RBFOX1: variants seen among roughly 807,000 people sequenced by gnomAD.
The protein encoded by RBFOX1 is RNA binding fox-1 homolog 1.
In RBFOX1, 8 loss-of-function variants were observed where a neutral mutation model predicts 57.7. The observed-to-expected ratio is 0.14, with a 90% CI of 0.08 to 0.25. The LOEUF is 0.25. Among genes scored for constraint, RBFOX1 ranks in the 10% least tolerant of loss-of-function variants. RBFOX1 has a pLI of 1.00. For synonymous variants in RBFOX1, 326 were observed against 222.4 expected, an observed-to-expected ratio of 1.47 and a Z score of -4.15; for missense variants, 611 against 548.5, an observed-to-expected ratio of 1.11 and a Z score of -1.14.
chr16:6,984,361 C>G (rs1030828254), intron 3 of RBFOX1, among the ~76,000 whole-genome samples: 1 of 152,238 alleles, frequency 6.6e-6, no homozygotes, highest in East Asian at 1.9e-4. Context: ...CTGGGATATG[C>G]ATGAAAAAGC....
intron 3 of RBFOX1, among the ~76,000 whole-genome samples, chr16:5,861,332 G>C (rs2057208585): frequency 6.6e-6 from 1 of 152,180 alleles, no homozygotes; most frequent in Non-Finnish European, 1.5e-5. Flanking sequence ...AATTGAATGT[G>C]AGCTGGAATG....
At chr16:6,898,864 C>G (rs1488593918) in intron 3 of RBFOX1, among the ~76,000 whole-genome samples, 1 of 146,226 alleles carries the variant, frequency 6.8e-6, no homozygotes, top group Non-Finnish European at 1.5e-5. Flanking sequence ...TAATATATTA[C>G]ACACATGTAC....
intron 1 of RBFOX1, among the ~76,000 whole-genome samples, chr16:5,461,626 G>A (rs1271004964): frequency 6.6e-6 from 1 of 152,170 alleles, no homozygotes; most frequent in African/African-American, 2.4e-5. Context: ...GCCTTTAAGT[G>A]GATTCAAGCC....
intron 4 of RBFOX1, among the ~76,000 whole-genome samples, chr16:5,971,868 G>A (rs1015698309): frequency 2.0e-5 from 3 of 152,188 alleles, no homozygotes; most frequent in East Asian, 1.9e-4. Context: ...TATGTCAGTA[G>A]ACTGAGTAAA....
intron 3 of RBFOX1, among the ~76,000 whole-genome samples, chr16:6,881,985 G>T (rs538552965): frequency 6.6e-6 from 1 of 152,238 alleles, no homozygotes; most frequent in Non-Finnish European, 1.5e-5. Context: ...AGACATAAAG[G>T]AGAAATTTTT....
intron 2 of RBFOX1, among the ~76,000 whole-genome samples, chr16:6,426,917 C>T (rs986552908): frequency 5.3e-5 from 8 of 152,084 alleles, no homozygotes; most frequent in Non-Finnish European, 8.8e-5. Context: ...GGAGTCCTTT[C>T]GTTAATGTCC....
intron 2 of RBFOX1, among the ~76,000 whole-genome samples, chr16:5,583,257 A>T (rs1374404926): frequency 6.6e-6 from 1 of 152,164 alleles, no homozygotes; most frequent in Non-Finnish European, 1.5e-5. Context: ...CCTTAGAAGG[A>T]CTCCATACTT....
intron 3 of RBFOX1, among the ~76,000 whole-genome samples, chr16:6,872,522 T>C (rs1241707452): frequency 5.3e-5 from 8 of 152,310 alleles, no homozygotes; most frequent in African/African-American, 1.7e-4. Flanking sequence ...GATTTTCTTA[T>C]TTGAAAGTCT....
At chr16:6,243,425 G>C (rs1455969335) in intron 1 of RBFOX1, among the ~76,000 whole-genome samples, 4 of 152,148 alleles carry the variant, frequency 2.6e-5, no homozygotes, top group Non-Finnish European at 5.9e-5. Flanking sequence ...TGCACTTACA[G>C]TCATGGTGCT....
intron 4 of RBFOX1, among the ~76,000 whole-genome samples, chr16:7,363,660 G>C (rs1020994266): frequency 1.3e-5 from 2 of 152,162 alleles, no homozygotes; most frequent in African/African-American, 2.4e-5. Flanking sequence ...AAAGCCATCA[G>C]ATCCCTTTTG....
At chr16:7,146,972 CGACTT>C (rs2075105080) in intron 4 of RBFOX1, among the ~76,000 whole-genome samples, 2 of 15,446 alleles carry the variant, frequency 1.3e-4, no homozygotes, top group Non-Finnish European at 2.3e-4. Flanking sequence ...AAAAGAACAA[CGACTT>C]TTTTTTTTTT....
chr16:7,181,203 A>G (rs146160588), intron 4 of RBFOX1, among the ~76,000 whole-genome samples: 261 of 152,212 alleles, frequency 1.7e-3, no homozygotes, highest in Non-Finnish European at 3.1e-3. Context: ...CGTAGTCACA[A>G]TCTCTCTAGA....
chr16:6,533,987 A>G (rs1156366346), intron 2 of RBFOX1, among the ~76,000 whole-genome samples: 1 of 152,112 alleles, frequency 6.6e-6, no homozygotes, highest in Non-Finnish European at 1.5e-5. Context: ...GTGTATATAT[A>G]CACACACACA....
chr16:5,761,099 A>C (rs1341785840), intron 3 of RBFOX1, among the ~76,000 whole-genome samples: 1 of 152,226 alleles, frequency 6.6e-6, no homozygotes, highest in Non-Finnish European at 1.5e-5. Flanking sequence ...TGCTAATGCA[A>C]GAGTTAGGTC....
chr16:5,573,091 C>G (rs774829941), intron 2 of RBFOX1, among the ~76,000 whole-genome samples: 1 of 152,014 alleles, frequency 6.6e-6, no homozygotes, highest in Non-Finnish European at 1.5e-5. Flanking sequence ...TGCCCTGGAT[C>G]GGATGGTGGG....
At chr16:6,090,666 C>G (rs146712358) in intron 1 of RBFOX1, among the ~76,000 whole-genome samples, 1 of 152,324 alleles carries the variant, frequency 6.6e-6, no homozygotes, top group East Asian at 1.9e-4. Flanking sequence ...TCTGAACACA[C>G]CTGTGAAAGC....
chr16:6,499,475 A>G (rs2095857553), intron 2 of RBFOX1, among the ~76,000 whole-genome samples: 1 of 152,244 alleles, frequency 6.6e-6, no homozygotes, highest in African/African-American at 2.4e-5. Context: ...CCTAGGGACA[A>G]TGGTATTAGA....
chr16:7,159,069 C>A (rs910124192), intron 4 of RBFOX1, among the ~76,000 whole-genome samples: 1 of 151,958 alleles, frequency 6.6e-6, no homozygotes, highest in Non-Finnish European at 1.5e-5. Context: ...TTCTTCACTT[C>A]TGAAGTTCTA....
At chr16:6,714,393 C>T (rs1225511410) in intron 3 of RBFOX1, among the ~76,000 whole-genome samples, 1 of 152,064 alleles carries the variant, frequency 6.6e-6, no homozygotes, top group African/African-American at 2.4e-5. Context: ...GGAGAAAAGG[C>T]CACCTGCAGA....
Sources: allele counts gnomAD v4.1 joint callset (sites outside exome capture counted in the v4.1 genomes callset), GRCh38; gene constraint gnomAD v4.1.1; transcripts MANE v1.5; gene names NCBI Gene and HGNC (gene_info 2026-07-23, HGNC 2026-07-21).